The following CTNNA2 variants were observed in gnomAD, a reference collection of about 807,000 sequenced individuals.
CTNNA2 encodes catenin alpha 2, also known as catenin alpha-2.
A neutral mutation model predicts 101.0 loss-of-function variants in CTNNA2; 42 were observed. The observed-to-expected ratio is 0.42, with a 90% confidence interval of 0.32 to 0.54. CTNNA2 has a LOEUF of 0.54. CTNNA2 is among the 20% of genes least tolerant of loss of function. The pLI, the probability that CTNNA2 is intolerant of heterozygous loss-of-function variation, is 0.14. For missense variants in CTNNA2, 871 were observed against 1,223.1 expected (o/e 0.71, Z 4.29); for synonymous variants, 450 against 456.4 (o/e 0.99, Z 0.18).
intron 7 of CTNNA2, among the ~76,000 whole-genome samples, chr2:80,090,420 G>C (rs1208287767): frequency 6.6e-6 from 1 of 152,016 alleles, no homozygotes; most frequent in Non-Finnish European, 1.5e-5. Flanking sequence ...GTGAACACAG[G>C]GCTGTCCTGG....
intron 8 of CTNNA2, among the ~76,000 whole-genome samples, chr2:80,400,032 A>G (rs1451235434): frequency 6.6e-6 from 1 of 152,124 alleles, no homozygotes; most frequent in East Asian, 1.9e-4. Context: ...GTCACTGAAA[A>G]CGAGATAATT....
chr2:79,474,776 T>A (rs1218107418), intron 4 of CTNNA2, among the ~76,000 whole-genome samples: 2 of 152,204 alleles, frequency 1.3e-5, no homozygotes, highest in African/African-American at 4.8e-5. Context: ...TGTTAAGTCG[T>A]CATCAATTCA....
chr2:80,390,642 A>G (rs1007598175), intron 7 of CTNNA2, among the ~76,000 whole-genome samples: 6 of 152,326 alleles, frequency 3.9e-5, no homozygotes, highest in East Asian at 3.9e-4. Flanking sequence ...TTTTAGGTAA[A>G]CAATAATTTT....
intron 4 of CTNNA2, among the ~76,000 whole-genome samples, chr2:79,468,239 A>G (rs941635466): frequency 1.3e-5 from 2 of 152,218 alleles, no homozygotes; most frequent in African/African-American, 4.8e-5. Context: ...CTAGTCTCTG[A>G]TAAAACAGAC....
At chr2:79,932,019 C>G (rs1687480041) in intron 7 of CTNNA2, among the ~76,000 whole-genome samples, 1 of 152,214 alleles carries the variant, frequency 6.6e-6, no homozygotes, top group African/African-American at 2.4e-5. Context: ...CATTGAGCCT[C>G]TCTCACACCT....
At chr2:79,329,677 A>G (rs762197963) in intron 3 of CTNNA2, among the ~76,000 whole-genome samples, 3 of 152,056 alleles carry the variant, frequency 2.0e-5, no homozygotes, top group Non-Finnish European at 4.4e-5. Context: ...TAGTAGCATG[A>G]GGCATTTCCT....
At chr2:79,679,109 G>T (rs1211963947) in intron 2 of CTNNA2, among the ~76,000 whole-genome samples, 1 of 152,116 alleles carries the variant, frequency 6.6e-6, no homozygotes, top group Non-Finnish European at 1.5e-5. Context: ...ATAATTTAGG[G>T]AGAATTACTA....
intron 2 of CTNNA2, among the ~76,000 whole-genome samples, chr2:79,694,103 T>G (rs1684498029): frequency 6.6e-6 from 1 of 151,948 alleles, no homozygotes; most frequent in Non-Finnish European, 1.5e-5. Flanking sequence ...TCTTCTCACT[T>G]AGACAACCTC....
intron 2 of CTNNA2, among the ~76,000 whole-genome samples, chr2:79,306,235 G>C (rs1676240802): frequency 6.6e-6 from 1 of 151,978 alleles, no homozygotes; most frequent in African/African-American, 2.4e-5. Flanking sequence ...AGGGATTCTT[G>C]GTCAAAAGGC....
At chr2:80,180,706 TC>T (rs1705723830) in intron 7 of CTNNA2, among the ~76,000 whole-genome samples, 1 of 152,186 alleles carries the variant, frequency 6.6e-6, no homozygotes, top group Non-Finnish European at 1.5e-5. Flanking sequence ...AAAGGGTATA[TC>T]TTCTGGACCC....
At chr2:80,143,845 A>G (rs767897239) in intron 7 of CTNNA2, among the ~76,000 whole-genome samples, 2 of 152,176 alleles carry the variant, frequency 1.3e-5, no homozygotes, top group Non-Finnish European at 2.9e-5. Flanking sequence ...AGTAAGTGTG[A>G]CAACTTACTT....
chr2:79,362,637 G>A (rs1677657247), intron 3 of CTNNA2, among the ~76,000 whole-genome samples: 1 of 152,122 alleles, frequency 6.6e-6, no homozygotes, highest in South Asian at 2.1e-4. Flanking sequence ...CAGGCTCTTA[G>A]GCATGACCAC....
rs187877310 is a variant in CTNNA2 at position 79,642,844 on chromosome 2, G to A, written c.-5-8708G>A. 2.6e-3 allele frequency among the ~76,000 whole-genome samples: 389 copies of A among 150,576 alleles called. 1 individual carries two copies. The highest frequency in any genetic ancestry group is 8.9e-3 in the African/African-American group (363 of 40,942). ...CATACACACAGATACTCTCTTCAGCGCCAGAAAATAGCCCCTCTTACAATA... is the reference window on the plus strand; with the variant it reads ...CATACACACAGATACTCTCTTCAGCACCAGAAAATAGCCCCTCTTACAATA... On this transcript the variant is annotated intron_variant, in intron 1 of 18. Transcript: ENST00000402739.
At chr2:79,860,916 A>C (rs1257989443) in intron 4 of CTNNA2, among the ~76,000 whole-genome samples, 2 of 152,230 alleles carry the variant, frequency 1.3e-5, no homozygotes, top group African/African-American at 4.8e-5. Context: ...AGGACGGATA[A>C]AGTAACGTAT....
rs1344471698 is a variant in CTNNA2 at position 80,075,622 on chromosome 2, A to ATTTTTT, written c.1056+165825_1056+165826insTTTTTT. ...TAAATATTTATACATGTATAAATAT[A>ATTTTTT]AATATTTATACATGTATAAATATTA... On this transcript the variant is annotated intron_variant, in intron 7 of 18. Transcript: ENST00000402739. 1.5e-3 allele frequency among the ~76,000 whole-genome samples: 85 copies of ATTTTTT among 55,650 alleles called. 2 individuals carry two copies. The highest frequency in any genetic ancestry group is 0.014 in the East Asian group (24 of 1,712). 36.5% of individuals were successfully genotyped at this position (55,650 alleles called of 152,430 possible).
chr2:79,670,224 C>G (rs1018682862), intron 2 of CTNNA2, among the ~76,000 whole-genome samples: 4 of 152,178 alleles, frequency 2.6e-5, no homozygotes, highest in African/African-American at 9.7e-5. Flanking sequence ...GAGTGGGAAG[C>G]CCAGGTCTGC....
intron 7 of CTNNA2, among the ~76,000 whole-genome samples, chr2:79,949,821 A>T (rs1638560324): frequency 6.6e-6 from 1 of 152,172 alleles, no homozygotes; most frequent in South Asian, 2.1e-4. Context: ...AAAATACTTG[A>T]TAGTGCTATT....
chr2:79,236,793 A>T (rs567816029), intron 2 of CTNNA2, among the ~76,000 whole-genome samples: 1 of 152,316 alleles, frequency 6.6e-6, no homozygotes, highest in South Asian at 2.1e-4. Flanking sequence ...AGCCCTCATC[A>T]GTTCAGGTTT....
rs142576570 is a variant in CTNNA2 at position 80,508,208 on chromosome 2, C to T, written c.1291-36774C>T. On this transcript the variant is annotated intron_variant, in intron 9 of 18. Coordinates refer to ENST00000402739, the MANE Select transcript of CTNNA2 (RefSeq NM_001282597.3). ...GGGGCTGGACACAGTGGCTCATGCCCGTAATTCTAGCACTTTGGGAGGCTG... is the reference window on the plus strand; with the variant it reads ...GGGGCTGGACACAGTGGCTCATGCCTGTAATTCTAGCACTTTGGGAGGCTG... Among the ~76,000 whole-genome samples, 438 of 152,180 alleles carry T rather than the reference C, an allele frequency of 2.9e-3. 3 individuals carry two copies. Among genetic ancestry groups the T allele is most frequent in the African/African-American group, 0.01 (429 of 41,524 alleles).
Sources: gnomAD v4.1 joint callset for allele counts (sites outside exome capture counted in the v4.1 genomes callset) on GRCh38, gnomAD v4.1.1 for gene constraint, MANE v1.5 for transcripts, NCBI Gene and HGNC (gene_info 2026-07-23, HGNC 2026-07-21) for gene names.